The following MDFIC variants were observed in gnomAD, a reference collection of about 807,000 sequenced individuals.
The protein encoded by MDFIC is MyoD family inhibitor domain containing.
Under a neutral mutation model 23.2 loss-of-function variants are expected in MDFIC, and 17 were observed. That is an observed-to-expected ratio of 0.73 (90% CI 0.50 to 1.10). The LOEUF (loss-of-function observed/expected upper bound fraction) is 1.10, where lower values mean the gene tolerates loss of function less well. MDFIC is among the 50% of genes least tolerant of loss of function. MDFIC has a pLI of 0.00. For missense variants in MDFIC, 356 were observed against 316.6 expected (o/e 1.12, Z -0.95); for synonymous variants, 120 against 115.2 (o/e 1.04, Z -0.27).
intron 2 of MDFIC, among the ~76,000 whole-genome samples, chr7:114,924,231 G>A (rs1281865917): frequency 6.6e-6 from 1 of 152,150 alleles, no homozygotes; most frequent in African/African-American, 2.4e-5. Flanking sequence ...ATAAACATAT[G>A]TTTTCTGAGA....
intron 2 of MDFIC, among the ~76,000 whole-genome samples, chr7:114,935,532 G>A (rs199641271): frequency 6.7e-6 from 1 of 149,476 alleles, no homozygotes; most frequent in African/African-American, 2.5e-5. Flanking sequence ...TTTTCTTTTT[G>A]TTTTTTTTTG....
chr7:114,939,855 A>G (rs1007751588), intron 2 of MDFIC, among the ~76,000 whole-genome samples: 5 of 152,352 alleles, frequency 3.3e-5, no homozygotes, highest in East Asian at 3.9e-4. Flanking sequence ...TTCAGCTTCA[A>G]TTAAAGTTAC....
Position 115,016,299 on chromosome 7 carries a change from G to A in MDFIC, c.*364G>A, listed in dbSNP as rs564006238. The A allele has an allele frequency of 4.9e-5, 11 of 224,174 alleles. No homozygotes were observed. Among genetic ancestry groups the A allele is most frequent in the South Asian group, 4.3e-4 (7 of 16,350 alleles). The allele number at this position is 224,174 out of a possible 1,614,324, so 13.9% of individuals were successfully genotyped here. A position where few individuals can be genotyped will look rare whatever the true frequency, so the allele number is the denominator to read the frequency against. ...ATTATTTTTCAGTGTGTATTTAAAC[G>A]AGGCAGTTTATTTTGATATGTATCT... On this transcript the variant is annotated 3_prime_UTR_variant, in exon 5 of 5. Coordinates refer to ENST00000393486, the MANE Select transcript of MDFIC (RefSeq NM_001166345.3).
intron 4 of MDFIC, among the ~76,000 whole-genome samples, chr7:114,992,035 G>A (rs1192899253): frequency 2.6e-5 from 4 of 152,138 alleles, no homozygotes; most frequent in African/African-American, 9.7e-5. Context: ...TTGAGCAGTG[G>A]TTTGTAGTTC....
chr7:114,923,543 C>T, intron 2 of MDFIC: 1 of 1,536,310 alleles, frequency 6.5e-7, no homozygotes, highest in Admixed American at 2.0e-5. Flanking sequence ...CTTGTTGGCT[C>T]CTCTACCACC....
chr7:114,981,249 T>C (rs1042472313), intron 4 of MDFIC, among the ~76,000 whole-genome samples: 3 of 152,260 alleles, frequency 2.0e-5, no homozygotes, highest in African/African-American at 7.2e-5. Flanking sequence ...GATATTTACT[T>C]ATTTTTGTAT....
intron 2 of MDFIC, among the ~76,000 whole-genome samples, chr7:114,940,680 A>T (rs1210456135): frequency 2.0e-5 from 3 of 152,210 alleles, no homozygotes; most frequent in African/African-American, 7.2e-5. Flanking sequence ...TAATTCATCC[A>T]CTAGACTGTA....
chr7:114,971,847 T>C (rs1191125740), intron 3 of MDFIC, among the ~76,000 whole-genome samples: 1 of 152,172 alleles, frequency 6.6e-6, no homozygotes, highest in Admixed American at 6.5e-5. Flanking sequence ...TACTTTTCTA[T>C]CACATCATAG....
chr7:114,963,768 T>A (rs1400817287), intron 3 of MDFIC, among the ~76,000 whole-genome samples: 2 of 152,110 alleles, frequency 1.3e-5, no homozygotes, highest in Non-Finnish European at 2.9e-5. Flanking sequence ...TTTGTAGAGA[T>A]GGGATCTTGT....
chr7:114,974,501 AT>A (rs1249922398), intron 3 of MDFIC, among the ~76,000 whole-genome samples: 1 of 151,974 alleles, frequency 6.6e-6, no homozygotes, highest in Non-Finnish European at 1.5e-5. Context: ...TTTAATTTTG[AT>A]TTTTTTATGT....
chr7:114,967,954 A>C (rs1184869350), intron 3 of MDFIC, among the ~76,000 whole-genome samples: 1 of 151,728 alleles, frequency 6.6e-6, no homozygotes, highest in Non-Finnish European at 1.5e-5. Context: ...TTAGCCTCTC[A>C]AGTAGCTGAT....
intron 1 of MDFIC, 110 bp from the exon 2 acceptor site, chr7:114,922,817 C>G (rs1585088182): frequency 1.5e-6 from 2 of 1,366,528 alleles, no homozygotes; most frequent in East Asian, 2.9e-5. Flanking sequence ...AAAACTTCCC[C>G]GGGGTGGAGT....
At chr7:114,988,319 G>T (rs1793547829) in intron 4 of MDFIC, among the ~76,000 whole-genome samples, 1 of 152,160 alleles carries the variant, frequency 6.6e-6, no homozygotes, top group African/African-American at 2.4e-5. Flanking sequence ...ATAATGGAAA[G>T]AATTGAATAA....
intron 3 of MDFIC, among the ~76,000 whole-genome samples, chr7:114,976,717 T>C (rs372108771): frequency 6.6e-6 from 1 of 152,142 alleles, no homozygotes; most frequent in African/African-American, 2.4e-5. Flanking sequence ...AAAAAATCCA[T>C]CATTTTTCTT....
Position 114,942,277 on chromosome 7 carries a change from A to C in MDFIC, c.97A>C (p.Lys33Gln). 6.7e-7 allele frequency: 1 copy of C among 1,491,424 alleles called. No individual in the cohort carries two copies. Among genetic ancestry groups the C allele is most frequent in the Middle Eastern group, 1.8e-4 (1 of 5,656 alleles). The allele number at this position is 1,491,424 out of a possible 1,614,324, so 92.4% of individuals were successfully genotyped here. A position where few individuals can be genotyped will look rare whatever the true frequency, so the allele number is the denominator to read the frequency against. Reference protein sequence around the residue: ...GGQLGSTAQGKCDKDNTEKDI... With the variant: ...GGQLGSTAQGQCDKDNTEKDI... ...TAAATGTATCTTTTTTAATTCAGGA[A>C]AATGTGATAAAGACAATACTGAGAA... is the stretch of plus-strand genomic sequence containing the variant. The change falls in exon 3 of 5, where the codon AAA becomes CAA. Residue 33 changes from lysine to glutamine, a missense_variant and splice_region_variant. Coordinates refer to ENST00000393486, the MANE Select transcript of MDFIC (RefSeq NM_001166345.3).
At chr7:114,950,528 A>G (rs1792746008) in intron 3 of MDFIC, among the ~76,000 whole-genome samples, 1 of 152,230 alleles carries the variant, frequency 6.6e-6, no homozygotes, top group Admixed American at 6.5e-5. Flanking sequence ...ATAGTCCATA[A>G]GTTTCCTGTT....
chr7:114,955,195 C>A (rs965838625), intron 3 of MDFIC, among the ~76,000 whole-genome samples: 2 of 152,226 alleles, frequency 1.3e-5, no homozygotes, highest in African/African-American at 4.8e-5. Flanking sequence ...AGCATAATTC[C>A]AGGACCACAG....
chr7:115,005,997 T>A (rs1791562845), intron 4 of MDFIC, among the ~76,000 whole-genome samples: 1 of 152,232 alleles, frequency 6.6e-6, no homozygotes, highest in Non-Finnish European at 1.5e-5. Flanking sequence ...CTTCGCTTCA[T>A]CTTGCCTGGC....
chr7:114,997,208 G>A (rs189022234), intron 4 of MDFIC, among the ~76,000 whole-genome samples: 14 of 152,140 alleles, frequency 9.2e-5, no homozygotes, highest in East Asian at 1.9e-4. Context: ...GGAGTTTTCC[G>A]AAAGGAGAAT....
Sources: allele counts gnomAD v4.1 joint callset (sites outside exome capture counted in the v4.1 genomes callset), GRCh38; gene constraint gnomAD v4.1.1; transcripts MANE v1.5; gene names NCBI Gene and HGNC (gene_info 2026-07-23, HGNC 2026-07-21).